LY86: variants seen among roughly 807,000 people sequenced by gnomAD.
LY86 encodes the protein lymphocyte antigen 86.
LY86 carries 20 observed loss-of-function variants against 17.3 expected under a neutral mutation model. The ratio of observed to expected loss-of-function variants is 1.15; its 90% confidence interval spans 0.81 to 1.68. The LOEUF (loss-of-function observed/expected upper bound fraction) is 1.68. Ranked by LOEUF, LY86 falls within the 40% of genes most tolerant of loss-of-function variation. The pLI, the probability that LY86 is intolerant of heterozygous loss-of-function variation, is 0.00. For synonymous variants in LY86, 74 were observed against 70.6 expected, an observed-to-expected ratio of 1.05 and a Z score of -0.24; for missense variants, 200 against 191.9, an observed-to-expected ratio of 1.04 and a Z score of -0.25.
Position 6,624,963 on chromosome 6 carries a change from T to A in LY86, c.174T>A (p.Cys58Ter), listed in dbSNP as rs201924366. The A allele has an allele frequency of 5.0e-5, 79 of 1,566,306 alleles. No homozygotes were observed. In the Admixed American group the frequency reaches 1.1e-3, roughly 21 times the overall value. ...ATTTTGGCTTTTCTGTTGAAAAGTG[T>A]TCCAAGCAATTAAAATCAAATATCA... Reference protein sequence around the residue: ...LQDFGFSVEKCSKQLKSNINI... With the variant: ...LQDFGFSVEK Residue 58 changes from cysteine to a stop codon, truncating the protein, a stop_gained, in exon 2 of 5, where the codon TGT becomes TGA. Transcript: ENST00000230568. LOFTEE classifies it high-confidence loss of function.
chr6:6,601,217 G>C (rs1001169346), intron 1 of LY86, among the ~76,000 whole-genome samples: 3 of 152,166 alleles, frequency 2.0e-5, no homozygotes, highest in African/African-American at 7.2e-5. Context: ...CTTTCCTGGG[G>C]GAGTGGATCT....
At chr6:6,613,783 C>T (rs1329746005) in intron 1 of LY86, among the ~76,000 whole-genome samples, 2 of 152,230 alleles carry the variant, frequency 1.3e-5, no homozygotes, top group East Asian at 1.9e-4. Flanking sequence ...CGAGGGCTGC[C>T]AGCATGCTGT....
intron 4 of LY86, among the ~76,000 whole-genome samples, chr6:6,652,409 G>A (rs1394670000): frequency 6.6e-6 from 1 of 152,100 alleles, no homozygotes; most frequent in Non-Finnish European, 1.5e-5. Context: ...ATGGGCTCTG[G>A]GCTAATGGCA....
chr6:6,608,338 T>G (rs555579606), intron 1 of LY86, among the ~76,000 whole-genome samples: 1 of 152,380 alleles, frequency 6.6e-6, no homozygotes, highest in Non-Finnish European at 1.5e-5. Flanking sequence ...TATTACATTA[T>G]TTCAAGAGAT....
intron 1 of LY86, among the ~76,000 whole-genome samples, chr6:6,603,489 CAG>C (rs1375128805): frequency 6.6e-6 from 1 of 150,418 alleles, no homozygotes; most frequent in Admixed American, 6.6e-5. Flanking sequence ...TAAAATATGA[CAG>C]AAATCTTTTA....
chr6:6,648,570 A>C (rs146079286), intron 3 of LY86, among the ~76,000 whole-genome samples: 22 of 152,282 alleles, frequency 1.4e-4, no homozygotes, highest in African/African-American at 5.3e-4. Flanking sequence ...GACTTGGCTC[A>C]AATGCTACCT....
At chr6:6,605,411 T>C (rs1184829837) in intron 1 of LY86, among the ~76,000 whole-genome samples, 4 of 152,226 alleles carry the variant, frequency 2.6e-5, no homozygotes, top group Admixed American at 6.5e-5. Flanking sequence ...TACATCGCAA[T>C]GAACAGACCT....
At chr6:6,639,586 C>T (rs1226321561) in intron 3 of LY86, among the ~76,000 whole-genome samples, 2 of 152,154 alleles carry the variant, frequency 1.3e-5, no homozygotes, top group East Asian at 1.9e-4. Flanking sequence ...CTGCGTTCCT[C>T]GGCCCGTAGT....
intron 3 of LY86, among the ~76,000 whole-genome samples, chr6:6,629,758 G>T (rs1761871498): frequency 6.6e-6 from 1 of 152,180 alleles, no homozygotes; most frequent in Non-Finnish European, 1.5e-5. Flanking sequence ...CATCACATTG[G>T]ATTCAAAGAC....
intron 3 of LY86, among the ~76,000 whole-genome samples, chr6:6,632,272 G>A (rs73718615): frequency 0.013 from 2,020 of 152,280 alleles, 60 homozygotes; most frequent in African/African-American, 0.046. Flanking sequence ...CCAGAGAGCA[G>A]GCCTGGAGGT....
At chr6:6,609,122 T>C (rs948204730) in intron 1 of LY86, among the ~76,000 whole-genome samples, 6 of 152,132 alleles carry the variant, frequency 3.9e-5, no homozygotes, top group Non-Finnish European at 7.4e-5. Flanking sequence ...GAGCTTGTAA[T>C]CTTTTATTGT....
intron 1 of LY86, among the ~76,000 whole-genome samples, chr6:6,603,648 CACACACAG>C (rs375411753): frequency 3.6e-5 from 5 of 139,960 alleles, no homozygotes; most frequent in Non-Finnish European, 7.7e-5. Flanking sequence ...CACACACACA[CACACACAG>C]AGTGGAAAAC....
At chr6:6,652,830 C>T (rs1762207654) in intron 4 of LY86, among the ~76,000 whole-genome samples, 1 of 152,220 alleles carries the variant, frequency 6.6e-6, no homozygotes. Flanking sequence ...AATTCATAAT[C>T]TAGAACCCCT....
chr6:6,617,601 A>G (rs1761584252), intron 1 of LY86, among the ~76,000 whole-genome samples: 1 of 152,208 alleles, frequency 6.6e-6, no homozygotes, highest in Admixed American at 6.5e-5. Flanking sequence ...TGATTTGTCT[A>G]TCCCCAAGAC....
intron 4 of LY86, among the ~76,000 whole-genome samples, chr6:6,652,542 A>C (rs932623311): frequency 6.6e-6 from 1 of 152,120 alleles, no homozygotes; most frequent in Non-Finnish European, 1.5e-5. Context: ...TCCTCTGTCT[A>C]TGCCTCCTGC....
chr6:6,646,031 C>T (rs550245684), intron 3 of LY86, among the ~76,000 whole-genome samples: 13 of 152,062 alleles, frequency 8.5e-5, no homozygotes, highest in East Asian at 3.9e-4. Flanking sequence ...CTTCCAAAAA[C>T]GAAATCATGT....
At chr6:6,647,354 G>C (rs532988174) in intron 3 of LY86, among the ~76,000 whole-genome samples, 2 of 152,088 alleles carry the variant, frequency 1.3e-5, no homozygotes, top group Admixed American at 6.5e-5. Context: ...CTCCCATCTC[G>C]AACAAAGAAA....
intron 1 of LY86, among the ~76,000 whole-genome samples, chr6:6,621,663 C>T (rs537442395): frequency 6.6e-6 from 1 of 152,252 alleles, no homozygotes; most frequent in South Asian, 2.1e-4. Flanking sequence ...CAGCACCCAC[C>T]ACAAAGGATA....
intron 1 of LY86, among the ~76,000 whole-genome samples, chr6:6,605,215 T>C (rs1228579252): frequency 6.6e-6 from 1 of 152,230 alleles, no homozygotes; most frequent in Non-Finnish European, 1.5e-5. Flanking sequence ...AGATTTCTAT[T>C]TCTGCATAAC....
Sources: gnomAD v4.1 joint callset for allele counts (sites outside exome capture counted in the v4.1 genomes callset) on GRCh38, gnomAD v4.1.1 for gene constraint, MANE v1.5 for transcripts, NCBI Gene and HGNC (gene_info 2026-07-23, HGNC 2026-07-21) for gene names.